MCC: variants seen among roughly 807,000 people sequenced by gnomAD.
MCC encodes the protein MCC regulator of Wnt signaling pathway, also known as colorectal mutant cancer protein.
In MCC, 90 loss-of-function variants were observed where a neutral mutation model predicts 116.2. That is an observed-to-expected ratio of 0.77 (90% CI 0.65 to 0.92). The LOEUF (loss-of-function observed/expected upper bound fraction) is 0.92. Ranked by LOEUF, MCC falls within the 40% of genes least tolerant of loss-of-function variation. The probability of loss-of-function intolerance (pLI) is 0.00; values close to 1 mark genes in which losing one functional copy is unlikely to be tolerated. For missense variants in MCC, 1,516 were observed against 1,312.2 expected (o/e 1.16, Z -2.40); for synonymous variants, 578 against 510.5 (o/e 1.13, Z -1.78).
intron 3 of MCC, among the ~76,000 whole-genome samples, chr5:113,160,575 C>T (rs912422431): frequency 1.2e-3 from 181 of 152,140 alleles, no homozygotes; most frequent in Non-Finnish European, 4.0e-4. Flanking sequence ...TCTGTCTAAC[C>T]CCAGGGTCTT....
intron 3 of MCC, among the ~76,000 whole-genome samples, chr5:113,194,886 T>C (rs773658478): frequency 5.3e-5 from 8 of 152,124 alleles, no homozygotes; most frequent in Non-Finnish European, 8.8e-5. Context: ...AAGGCCAAAA[T>C]AGCCATAAAA....
intron 1 of MCC, among the ~76,000 whole-genome samples, chr5:113,425,413 G>C (rs1414466504): frequency 7.5e-6 from 1 of 132,910 alleles, no homozygotes. Flanking sequence ...ATGTTCACAA[G>C]AAAGAGAAAC....
Position 113,103,665 on chromosome 5 carries a change from G to A in MCC, c.1191+527C>T, listed in dbSNP as rs182615017. Among the ~76,000 whole-genome samples the A allele has an allele frequency of 3.9e-4, 59 of 150,972 alleles. No homozygotes were observed. The East Asian group carries it at 0.011, about 28-fold the overall frequency. On this transcript the variant is annotated intron_variant, in intron 7 of 18. Coordinates refer to ENST00000408903, the MANE Select transcript of MCC (RefSeq NM_001085377.2). ...TTTTAAATTTGAATTGCTATGCCCA[G>A]GTCACTAAGTTACGTTGAAGGAATA...
intron 1 of MCC, among the ~76,000 whole-genome samples, chr5:113,432,325 A>G (rs1770681218): frequency 6.8e-6 from 1 of 146,998 alleles, no homozygotes; most frequent in Non-Finnish European, 1.5e-5. Context: ...TGTCTCAAAA[A>G]AAAAAAAAAA....
intron 3 of MCC, among the ~76,000 whole-genome samples, chr5:113,298,883 A>G (rs896154280): frequency 5.3e-5 from 8 of 152,208 alleles, no homozygotes; most frequent in African/African-American, 1.2e-4. Context: ...TGACTCAAGG[A>G]AAGTTAGACA....
intron 8 of MCC, among the ~76,000 whole-genome samples, chr5:113,098,853 AC>A (rs1352249531): frequency 6.6e-6 from 1 of 152,222 alleles, no homozygotes; most frequent in African/African-American, 2.4e-5. Flanking sequence ...ACTTTGATGA[AC>A]TATGGATTCA....
At chr5:113,344,560 G>A (rs180953404) in intron 2 of MCC, among the ~76,000 whole-genome samples, 3 of 151,650 alleles carry the variant, frequency 2.0e-5, no homozygotes, top group Admixed American at 2.0e-4. Context: ...AGAGAGAAGA[G>A]TAAAGAGGAT....
At chr5:113,446,606 T>G (rs979809881) in intron 1 of MCC, among the ~76,000 whole-genome samples, 1 of 152,106 alleles carries the variant, frequency 6.6e-6, no homozygotes, top group Non-Finnish European at 1.5e-5. Flanking sequence ...CAGATGCTGG[T>G]GAGGCTGTAG....
intron 3 of MCC, among the ~76,000 whole-genome samples, chr5:113,295,623 T>C (rs1663376968): frequency 6.6e-6 from 1 of 152,060 alleles, no homozygotes; most frequent in African/African-American, 2.4e-5. Flanking sequence ...TCAGAAAAGA[T>C]TCAAGGGGCT....
At chr5:113,432,471 C>T (rs549984758) in intron 1 of MCC, 12 of 151,894 alleles carry the variant, frequency 7.9e-5, no homozygotes, top group African/African-American at 2.4e-4. Context: ...TACTCAATTT[C>T]GTGTCTATAA....
intron 3 of MCC, among the ~76,000 whole-genome samples, chr5:113,278,203 C>T (rs377675792): frequency 1.6e-4 from 25 of 152,212 alleles, no homozygotes; most frequent in African/African-American, 4.3e-4. Context: ...ATCTACCAGA[C>T]CTGTGACCTT....
At chr5:113,057,546 C>A (rs1194261391) in intron 14 of MCC, among the ~76,000 whole-genome samples, 1 of 152,198 alleles carries the variant, frequency 6.6e-6, no homozygotes, top group Non-Finnish European at 1.5e-5. Flanking sequence ...GCTGGAACAC[C>A]ACGGGCTATT....
At chr5:113,243,891 T>C (rs987370879) in intron 3 of MCC, among the ~76,000 whole-genome samples, 7 of 152,246 alleles carry the variant, frequency 4.6e-5, no homozygotes, top group African/African-American at 1.7e-4. Flanking sequence ...TCAGCTCTGC[T>C]AACACCCTTC....
chr5:113,361,691 A>G (rs1263351115), intron 2 of MCC, among the ~76,000 whole-genome samples: 1 of 152,224 alleles, frequency 6.6e-6, no homozygotes, highest in African/African-American at 2.4e-5. Context: ...CACTGGACTG[A>G]GTAAGGAAGA....
chr5:113,174,646 C>A (rs1229090505), intron 3 of MCC, among the ~76,000 whole-genome samples: 1 of 150,060 alleles, frequency 6.7e-6, no homozygotes, highest in Non-Finnish European at 1.5e-5. Flanking sequence ...TCTCTGTCAT[C>A]CAGGTTAGAG....
chr5:113,217,894 C>T (rs1172144135), intron 3 of MCC, among the ~76,000 whole-genome samples: 1 of 152,060 alleles, frequency 6.6e-6, no homozygotes, highest in Non-Finnish European at 1.5e-5. Context: ...CACACCACGC[C>T]TGTATGTTCC....
intron 3 of MCC, among the ~76,000 whole-genome samples, chr5:113,246,728 C>G (rs1414109776): frequency 6.6e-6 from 1 of 152,180 alleles, no homozygotes; most frequent in Non-Finnish European, 1.5e-5. Flanking sequence ...ATCTTGTGAA[C>G]TTTTTATTGT....
intron 3 of MCC, among the ~76,000 whole-genome samples, chr5:113,199,085 T>G (rs1762564469): frequency 6.6e-6 from 1 of 152,108 alleles, no homozygotes; most frequent in African/African-American, 2.4e-5. Context: ...GGAGAATTGC[T>G]TGAACCTGGG....
At chr5:113,324,427 T>G (rs1189564652) in intron 3 of MCC, among the ~76,000 whole-genome samples, 2 of 152,228 alleles carry the variant, frequency 1.3e-5, no homozygotes, top group Non-Finnish European at 2.9e-5. Flanking sequence ...AATGTAAATG[T>G]GCAAAAGAGA....
Sources: gnomAD v4.1 joint callset for allele counts (sites outside exome capture counted in the v4.1 genomes callset) on GRCh38, gnomAD v4.1.1 for gene constraint, MANE v1.5 for transcripts, NCBI Gene and HGNC (gene_info 2026-07-23, HGNC 2026-07-21) for gene names.